The following MAGI1 variants were observed in gnomAD, a reference collection of about 807,000 sequenced individuals.
The protein encoded by MAGI1 is membrane-associated guanylate kinase, WW and PDZ domain-containing protein 1.
In MAGI1, 58 loss-of-function variants were observed where a neutral mutation model predicts 139.9. The ratio of observed to expected loss-of-function variants is 0.41; its 90% CI spans 0.34 to 0.52. MAGI1 has a LOEUF of 0.52. Ranked by LOEUF, MAGI1 falls within the 20% of genes least tolerant of loss-of-function variation. The probability of loss-of-function intolerance (pLI) is 0.12; values close to 1 mark genes in which losing one functional copy is unlikely to be tolerated. For missense variants in MAGI1, 1,874 were observed against 1,901.6 expected (o/e 0.99, Z 0.27); for synonymous variants, 812 against 737.9 (o/e 1.10, Z -1.63).
At chr3:65,807,015 G>A (rs902607580) in intron 1 of MAGI1, among the ~76,000 whole-genome samples, 7 of 152,180 alleles carry the variant, frequency 4.6e-5, no homozygotes, top group Non-Finnish European at 8.8e-5. Context: ...CTACTCAGAT[G>A]CTATGCCAAG....
intron 1 of MAGI1, among the ~76,000 whole-genome samples, chr3:65,830,922 G>A (rs562230048): frequency 6.6e-6 from 1 of 152,256 alleles, no homozygotes; most frequent in South Asian, 2.1e-4. Flanking sequence ...ACATTGGGTG[G>A]TTTTAGAAAG....
At chr3:66,023,734 C>T (rs79321085) in intron 1 of MAGI1, among the ~76,000 whole-genome samples, 2 of 152,192 alleles carry the variant, frequency 1.3e-5, no homozygotes. Context: ...AAATGGTATA[C>T]ATAAACTTCA....
chr3:65,442,021 T>G (rs2107433433), intron 8 of MAGI1, among the ~76,000 whole-genome samples: 1 of 152,244 alleles, frequency 6.6e-6, no homozygotes, highest in Admixed American at 6.5e-5. Context: ...TTTGCTTCTT[T>G]TGAAGGGACT....
chr3:65,848,090 C>T (rs1213571500), intron 1 of MAGI1, among the ~76,000 whole-genome samples: 2 of 152,106 alleles, frequency 1.3e-5, no homozygotes, highest in Admixed American at 6.5e-5. Flanking sequence ...AAGAGTTACC[C>T]AAAGGACAGG....
At chr3:65,997,316 C>T (rs983319364) in intron 1 of MAGI1, among the ~76,000 whole-genome samples, 3 of 152,112 alleles carry the variant, frequency 2.0e-5, no homozygotes, top group Non-Finnish European at 4.4e-5. Flanking sequence ...AAAATGATTG[C>T]AATGTCATGC....
At chr3:65,918,873 G>C (rs1411695995) in intron 1 of MAGI1, among the ~76,000 whole-genome samples, 3 of 151,894 alleles carry the variant, frequency 2.0e-5, no homozygotes, top group Admixed American at 2.0e-4. Flanking sequence ...GTTAAGAGGA[G>C]TTCAATTATA....
chr3:65,852,793 G>A (rs1014820367), intron 1 of MAGI1, among the ~76,000 whole-genome samples: 2 of 152,012 alleles, frequency 1.3e-5, no homozygotes, highest in Non-Finnish European at 2.9e-5. Flanking sequence ...GTGAGCCACT[G>A]CACCTGGCCA....
chr3:65,747,969 G>A (rs544990961), intron 1 of MAGI1, among the ~76,000 whole-genome samples: 82 of 152,296 alleles, frequency 5.4e-4, no homozygotes, highest in Admixed American at 1.0e-3. Context: ...GACTCGGGGT[G>A]CCAGTAATTA....
chr3:65,631,854 C>A lies in MAGI1; in HGVS notation c.314-9766G>T, dbSNP rs139348411. Among the ~76,000 whole-genome samples, 1,498 of 151,940 alleles carry A rather than the reference C, an allele frequency of 9.9e-3. 25 individuals carry two copies. The highest frequency in any genetic ancestry group is 0.034 in the African/African-American group (1,391 of 41,458). On this transcript the variant is annotated intron_variant, in intron 1 of 22. Coordinates refer to ENST00000402939, the MANE Select transcript of MAGI1 (RefSeq NM_001033057.2). Reference sequence around the variant, plus strand: ...TCCTGGCCAACATGGTGAAACCCCACCTCTACCAAAAACACAAAAAATTAG... The same window carrying A: ...TCCTGGCCAACATGGTGAAACCCCAACTCTACCAAAAACACAAAAAATTAG...
intron 2 of MAGI1, among the ~76,000 whole-genome samples, chr3:65,574,252 T>C (rs993497528): frequency 3.3e-5 from 5 of 149,836 alleles, no homozygotes; most frequent in Admixed American, 2.0e-4. Flanking sequence ...TATATATATA[T>C]ACATACATAT....
chr3:65,434,389 T>G (rs1179544692), intron 10 of MAGI1, among the ~76,000 whole-genome samples: 1 of 152,044 alleles, frequency 6.6e-6, no homozygotes, highest in Non-Finnish European at 1.5e-5. Context: ...GGTGGAGGGG[T>G]AGCTGCAAAA....
chr3:65,731,340 T>G (rs748258868), intron 1 of MAGI1, among the ~76,000 whole-genome samples: 3 of 152,048 alleles, frequency 2.0e-5, no homozygotes, highest in Non-Finnish European at 4.4e-5. Context: ...TCGGGTTAAA[T>G]AGAATTCTAA....
rs147156806 is a variant in MAGI1 at position 65,457,921 on chromosome 3, A to C, written c.960-4581T>G. On this transcript the variant is annotated intron_variant, in intron 5 of 22. Transcript: ENST00000402939. Reference sequence around the variant, plus strand: ...TTCTTTCTATTTTTTTGTAGCCATTAACCATCTCCACTTCCCCTTACCACC... The same window carrying C: ...TTCTTTCTATTTTTTTGTAGCCATTCACCATCTCCACTTCCCCTTACCACC... Among the ~76,000 whole-genome samples, 205 of 152,216 alleles carry C rather than the reference A, an allele frequency of 1.3e-3. 4 individuals are homozygous for C. The East Asian group carries it at 0.033, about 25-fold the overall frequency.
At chr3:65,734,729 TA>T (rs2034562519) in intron 1 of MAGI1, among the ~76,000 whole-genome samples, 1 of 151,946 alleles carries the variant, frequency 6.6e-6, no homozygotes. Context: ...GCAGAGTTGT[TA>T]AAATCTAACA....
At chr3:65,643,868 G>A (rs2085115578) in intron 1 of MAGI1, among the ~76,000 whole-genome samples, 1 of 152,100 alleles carries the variant, frequency 6.6e-6, no homozygotes, top group Non-Finnish European at 1.5e-5. Flanking sequence ...ACTGTATTGG[G>A]GTCACCTAAT....
At chr3:65,373,100 C>T (rs1231857011) in intron 18 of MAGI1, among the ~76,000 whole-genome samples, 2 of 152,176 alleles carry the variant, frequency 1.3e-5, no homozygotes, top group East Asian at 1.9e-4. Flanking sequence ...TAGCTTTTGG[C>T]CTATCTCAGC....
chr3:65,629,123 T>G (rs907210328), intron 1 of MAGI1, among the ~76,000 whole-genome samples: 4 of 152,174 alleles, frequency 2.6e-5, no homozygotes, highest in African/African-American at 7.2e-5. Flanking sequence ...TTCAAGGTGA[T>G]GGATGATGAG....
At chr3:65,680,562 A>T (rs1465359322) in intron 1 of MAGI1, among the ~76,000 whole-genome samples, 1 of 152,052 alleles carries the variant, frequency 6.6e-6, no homozygotes, top group Non-Finnish European at 1.5e-5. Flanking sequence ...CTACAAGCAC[A>T]CACCACCGCA....
intron 1 of MAGI1, among the ~76,000 whole-genome samples, chr3:65,964,528 C>T (rs1325882050): frequency 1.4e-5 from 2 of 146,740 alleles, no homozygotes; most frequent in South Asian, 2.2e-4. Flanking sequence ...GGGGGTAGTG[C>T]GGGGGCGGGG....
Sources: allele counts gnomAD v4.1 joint callset (sites outside exome capture counted in the v4.1 genomes callset), GRCh38; gene constraint gnomAD v4.1.1; transcripts MANE v1.5; gene names NCBI Gene and HGNC (gene_info 2026-07-23, HGNC 2026-07-21).